Variants in MCC observed in about 807,000 individuals in gnomAD.
The protein encoded by MCC is MCC regulator of Wnt signaling pathway.
A neutral mutation model predicts 116.2 loss-of-function variants in MCC; 90 were observed. The observed-to-expected ratio is 0.77, with a 90% CI of 0.65 to 0.92. MCC has a LOEUF of 0.92. Among genes scored for constraint, MCC ranks in the 40% least tolerant of loss-of-function variants. MCC has a pLI of 0.00. For synonymous variants in MCC, 578 were observed against 510.5 expected, an observed-to-expected ratio of 1.13 and a Z score of -1.78; for missense variants, 1,516 against 1,312.2, an observed-to-expected ratio of 1.16 and a Z score of -2.40.
intron 1 of MCC, among the ~76,000 whole-genome samples, chr5:113,422,875 C>T (rs985826806): frequency 2.0e-5 from 3 of 152,198 alleles, no homozygotes; most frequent in African/African-American, 7.2e-5. Flanking sequence ...CCTTTCAATG[C>T]CTCCTGAAAC....
chr5:113,120,674 T>A (rs565300272), intron 6 of MCC, among the ~76,000 whole-genome samples: 27 of 152,328 alleles, frequency 1.8e-4, no homozygotes, highest in Admixed American at 1.2e-3. Flanking sequence ...TTCCGCCTAG[T>A]GGAATTTAGT....
intron 3 of MCC, among the ~76,000 whole-genome samples, chr5:113,279,079 T>C (rs548225229): frequency 6.6e-6 from 1 of 152,212 alleles, no homozygotes; most frequent in South Asian, 2.1e-4. Flanking sequence ...TAGTCAGATG[T>C]GCAATGAAAA....
At chr5:113,453,307 C>T (rs1205051843) in intron 1 of MCC, among the ~76,000 whole-genome samples, 2 of 152,202 alleles carry the variant, frequency 1.3e-5, no homozygotes, top group African/African-American at 4.8e-5. Flanking sequence ...TACACACACA[C>T]ACGGGCACAC....
intron 3 of MCC, among the ~76,000 whole-genome samples, chr5:113,176,527 G>A (rs1457290224): frequency 1.3e-5 from 2 of 152,190 alleles, no homozygotes; most frequent in African/African-American, 4.8e-5. Context: ...TAAGGGTGAC[G>A]GCTCCCTTGT....
intron 2 of MCC, among the ~76,000 whole-genome samples, chr5:113,376,574 T>TATATACACACACACAC (rs10633405): frequency 2.5e-4 from 37 of 145,888 alleles, no homozygotes; most frequent in African/African-American, 8.9e-4. Context: ...CCATATTTTA[T>TATATACACACACACAC]ACACACACAC....
chr5:113,413,239 G>A (rs1399380037), intron 1 of MCC, among the ~76,000 whole-genome samples: 1 of 149,920 alleles, frequency 6.7e-6, no homozygotes, highest in African/African-American at 2.4e-5. Context: ...TCTCTTTTTT[G>A]GTTGTGTCTC....
chr5:113,242,679 T>A (rs60087454), intron 3 of MCC, among the ~76,000 whole-genome samples: 24,254 of 151,980 alleles, frequency 0.16, 2,279 homozygotes, highest in Admixed American at 0.29. Flanking sequence ...TCAAGAGGGT[T>A]ATGAACAAGG....
At chr5:113,062,924 G>A (rs1460973471) in intron 14 of MCC, among the ~76,000 whole-genome samples, 2 of 152,154 alleles carry the variant, frequency 1.3e-5, no homozygotes, top group South Asian at 4.1e-4. Flanking sequence ...TTCTCCTCTG[G>A]CTCTCAACAG....
intron 17 of MCC, among the ~76,000 whole-genome samples, chr5:113,042,073 G>A (rs1018883014): frequency 1.3e-5 from 2 of 151,930 alleles, no homozygotes; most frequent in Non-Finnish European, 2.9e-5. Context: ...AACAAGAACC[G>A]CTGAATATTT....
intron 3 of MCC, among the ~76,000 whole-genome samples, chr5:113,254,232 C>T (rs1187921362): frequency 6.6e-6 from 1 of 152,138 alleles, no homozygotes; most frequent in Non-Finnish European, 1.5e-5. Flanking sequence ...ACCAATTAAG[C>T]ATGAGGACGG....
At position 113,434,772 on chromosome 5, in the gene MCC, T is replaced by G. The variant is rs11556766; in HGVS notation, c.171-49560A>C. ...AGAGTAAGCAGATTTTACTTTTGCA[T>G]AGGAGCCCTCTCCTAAATTTATCCC... On this transcript the variant is annotated intron_variant, in intron 1 of 18. Transcript: ENST00000408903. This position sits in a 1 kb window ranked among gnomAD's most constrained non-coding sequence, Gnocchi z 4.2. 1.1e-5 allele frequency: 18 copies of G among 1,613,978 alleles called. No homozygotes were observed. Among genetic ancestry groups the G allele is most frequent in the Non-Finnish European group, 1.5e-5 (18 of 1,179,878 alleles).
At chr5:113,227,374 G>A (rs1561470782) in intron 3 of MCC, among the ~76,000 whole-genome samples, 1 of 152,164 alleles carries the variant, frequency 6.6e-6, no homozygotes, top group African/African-American at 2.4e-5. Context: ...ACTATAAGAA[G>A]TATATAGCCA....
chr5:113,470,541 C>T (rs183925426), intron 1 of MCC, among the ~76,000 whole-genome samples: 2,793 of 152,210 alleles, frequency 0.018, 37 homozygotes, highest in Middle Eastern at 0.034. Context: ...GAGTTTCTGC[C>T]GAGAGATCAG....
chr5:113,037,072 C>T (rs1320929934), intron 17 of MCC, among the ~76,000 whole-genome samples: 1 of 152,182 alleles, frequency 6.6e-6, no homozygotes, highest in African/African-American at 2.4e-5. Context: ...AATAATGGTC[C>T]TCCTCATGAA....
In MCC at chr5:113,410,949, T is replaced by C. The variant is rs867078447; in HGVS notation, c.171-25737A>G. On this transcript the variant is annotated intron_variant, in intron 1 of 18. Coordinates refer to ENST00000408903, the MANE Select transcript of MCC (RefSeq NM_001085377.2). Reference sequence around the variant, plus strand: ...TAGGACATGAACTCATCCTTTTTTATGGCTGCATAGTATTCCATGGTGTAT... The same window carrying C: ...TAGGACATGAACTCATCCTTTTTTACGGCTGCATAGTATTCCATGGTGTAT... Among the ~76,000 whole-genome samples the C allele has an allele frequency of 2.6e-5, 4 of 152,218 alleles. No homozygotes were observed. In the South Asian group the frequency reaches 6.2e-4, roughly 24 times the overall value.
intron 3 of MCC, among the ~76,000 whole-genome samples, chr5:113,169,337 T>G (rs1353292593): frequency 1.6e-4 from 24 of 152,264 alleles, no homozygotes. Flanking sequence ...TAGGTCTTTT[T>G]AAAAGTCTTT....
intron 3 of MCC, among the ~76,000 whole-genome samples, chr5:113,288,378 T>C (rs971371): frequency 0.15 from 22,659 of 152,232 alleles, 2,450 homozygotes; most frequent in Admixed American, 0.28. Context: ...CTCTGAGATG[T>C]CTCTGAATAC....
intron 3 of MCC, among the ~76,000 whole-genome samples, chr5:113,167,704 C>T (rs1760844360): frequency 6.6e-6 from 1 of 152,132 alleles, no homozygotes; most frequent in Non-Finnish European, 1.5e-5. Context: ...CATCAAGGCT[C>T]ACTGCAGCCT....
At chr5:113,270,327 G>C (rs80133946) in intron 3 of MCC, among the ~76,000 whole-genome samples, 2 of 151,956 alleles carry the variant, frequency 1.3e-5, no homozygotes, top group South Asian at 4.2e-4. Context: ...TCACTAAAGC[G>C]TGCAACAGAA....
Sources: allele counts gnomAD v4.1 joint callset (sites outside exome capture counted in the v4.1 genomes callset), GRCh38; gene constraint gnomAD v4.1.1; non-coding constraint Gnocchi (gnomAD v3.1); transcripts MANE v1.5; gene names NCBI Gene and HGNC (gene_info 2026-07-23, HGNC 2026-07-21).